LIPC: variants seen among roughly 807,000 people sequenced by gnomAD.
LIPC encodes the protein hepatic triacylglycerol lipase.
In LIPC, 44 loss-of-function variants were observed where a neutral mutation model predicts 50.7. The ratio of observed to expected loss-of-function variants is 0.87; its 90% confidence interval spans 0.68 to 1.11. The LOEUF is 1.11. Ranked by LOEUF, LIPC falls within the 50% of genes most tolerant of loss-of-function variation. The probability of loss-of-function intolerance (pLI) is 0.00; values close to 1 mark genes in which losing one functional copy is unlikely to be tolerated. For synonymous variants in LIPC, 271 were observed against 256.4 expected (o/e 1.06, Z -0.54); for missense variants, 697 against 648.2 (o/e 1.08, Z -0.82).
chr15:58,446,932 G>A (rs1215389184), intron 1 of LIPC, among the ~76,000 whole-genome samples: 1 of 152,002 alleles, frequency 6.6e-6, no homozygotes, highest in Non-Finnish European at 1.5e-5. Context: ...CAGATCACTT[G>A]AGGTTAGGAG....
rs748608339 is a variant in LIPC, at chr15:58,563,554, G to A, written c.1219G>A (p.Asp407Asn). Residue 407 changes from aspartate to asparagine, a missense_variant, in exon 8 of 9, where the codon GAT becomes AAT. By Grantham distance (23) the Asp-to-Asn change is conservative. Coordinates refer to ENST00000299022, the MANE Select transcript of LIPC (RefSeq NM_000236.3). ...NKTYSFLITLDVDIGELIMIK... is the reference protein window; with the variant it reads ...NKTYSFLITLNVDIGELIMIK... ...AACGTATTCCTTTCTTATCACGCTG[G>A]ATGTGGATATCGGCGAGCTGATCAT... The A allele has an allele frequency of 2.1e-5, 34 of 1,614,102 alleles. No individual in the cohort carries two copies. Among genetic ancestry groups the A allele is most frequent in the Non-Finnish European group, 2.9e-5 (34 of 1,180,054 alleles).
At chr15:58,538,033 C>T (rs1409622903) in intron 1 of LIPC, among the ~76,000 whole-genome samples, 1 of 152,172 alleles carries the variant, frequency 6.6e-6, no homozygotes, top group Non-Finnish European at 1.5e-5. Context: ...ACCGAGCCTC[C>T]AAAACTGCCT....
intron 1 of LIPC, among the ~76,000 whole-genome samples, chr15:58,468,866 G>A (rs904790192): frequency 6.6e-6 from 1 of 152,118 alleles, no homozygotes; most frequent in Admixed American, 6.5e-5. Context: ...CAGTAAATTG[G>A]CTCCTTTCCT....
At chr15:58,545,016 C>A (rs1007558058) in intron 4 of LIPC, among the ~76,000 whole-genome samples, 5 of 152,130 alleles carry the variant, frequency 3.3e-5, no homozygotes, top group Non-Finnish European at 7.3e-5. Flanking sequence ...CTGTTCTGGA[C>A]GTTCTAATGA....
intron 1 of LIPC, among the ~76,000 whole-genome samples, chr15:58,535,984 C>T (rs771862158): frequency 1.1e-4 from 16 of 152,198 alleles, no homozygotes; most frequent in Non-Finnish European, 5.9e-5. Context: ...TCACCGCTCA[C>T]TAACATTTAT....
chr15:58,500,618 C>T (rs935698116), intron 1 of LIPC, among the ~76,000 whole-genome samples: 1 of 152,144 alleles, frequency 6.6e-6, no homozygotes, highest in Non-Finnish European at 1.5e-5. Flanking sequence ...TGACTGTTTT[C>T]ATATGTGCTG....
At chr15:58,551,735 C>T (rs1340663006) in intron 6 of LIPC, among the ~76,000 whole-genome samples, 1 of 152,200 alleles carries the variant, frequency 6.6e-6, no homozygotes, top group Non-Finnish European at 1.5e-5. Context: ...TACAGAGAAA[C>T]CACAATCCCC....
chr15:58,449,352 T>C (rs1457672315), intron 1 of LIPC, among the ~76,000 whole-genome samples: 1 of 152,188 alleles, frequency 6.6e-6, no homozygotes. Context: ...CTCCTTCTCA[T>C]TTGATGGCTT....
At chr15:58,526,714 T>TCTCA (rs1322521678) in intron 1 of LIPC, among the ~76,000 whole-genome samples, 3 of 152,128 alleles carry the variant, frequency 2.0e-5, no homozygotes, top group African/African-American at 7.2e-5. Context: ...CTATGTTGGG[T>TCTCA]TGAGACATGA....
intron 1 of LIPC, among the ~76,000 whole-genome samples, chr15:58,493,731 ATT>A (rs1439747254): frequency 6.7e-6 from 1 of 148,540 alleles, no homozygotes. Flanking sequence ...TATGTGAAAT[ATT>A]TTTTAAATGT....
chr15:58,451,888 C>T (rs936248114), intron 1 of LIPC, among the ~76,000 whole-genome samples: 14 of 152,174 alleles, frequency 9.2e-5, no homozygotes, highest in African/African-American at 3.4e-4. Context: ...GCTACCTGGG[C>T]AGAGCAGACC....
intron 1 of LIPC, among the ~76,000 whole-genome samples, chr15:58,450,503 G>A (rs766331743): frequency 3.3e-5 from 5 of 152,196 alleles, no homozygotes; most frequent in African/African-American, 4.8e-5. Flanking sequence ...GAACAGCACC[G>A]TCTAAAGGAG....
At chr15:58,500,527 C>T (rs1004173043) in intron 1 of LIPC, among the ~76,000 whole-genome samples, 6 of 152,170 alleles carry the variant, frequency 3.9e-5, no homozygotes, top group South Asian at 2.1e-4. Flanking sequence ...CTTCAGACAG[C>T]GCAGTCTACA....
chr15:58,501,369 C>T (rs1466110509), intron 1 of LIPC, among the ~76,000 whole-genome samples: 5 of 128,340 alleles, frequency 3.9e-5, no homozygotes, highest in African/African-American at 1.4e-4. Context: ...TTTTTTAATG[C>T]CTGAAGTTTT....
intron 2 of LIPC, among the ~76,000 whole-genome samples, chr15:58,538,883 T>G (rs1183507121): frequency 6.6e-6 from 1 of 152,228 alleles, no homozygotes; most frequent in Non-Finnish European, 1.5e-5. Context: ...GGACTCCCAA[T>G]GAAATGTTGT....
At chr15:58,492,543 T>G (rs192996776) in intron 1 of LIPC, among the ~76,000 whole-genome samples, 1 of 152,262 alleles carries the variant, frequency 6.6e-6, no homozygotes, top group Admixed American at 6.5e-5. Context: ...AGAGGCCAAG[T>G]TACCTGCCCA....
intron 6 of LIPC, among the ~76,000 whole-genome samples, chr15:58,558,949 A>G (rs1242839803): frequency 6.6e-6 from 1 of 152,220 alleles, no homozygotes; most frequent in Non-Finnish European, 1.5e-5. Flanking sequence ...CACTCACATG[A>G]GCAAATTATA....
At chr15:58,464,170 TG>T (rs1207202312) in intron 1 of LIPC, among the ~76,000 whole-genome samples, 2 of 152,212 alleles carry the variant, frequency 1.3e-5, no homozygotes, top group Admixed American at 6.5e-5. Context: ...CCTCTATACT[TG>T]CCCCTTTCTA....
chr15:58,525,847 T>A (rs751819922), intron 1 of LIPC, among the ~76,000 whole-genome samples: 4 of 152,228 alleles, frequency 2.6e-5, no homozygotes, highest in Non-Finnish European at 2.9e-5. Flanking sequence ...AGGAGGAAGA[T>A]GTTACAATAG....
Sources: gnomAD v4.1 joint callset for allele counts (sites outside exome capture counted in the v4.1 genomes callset) on GRCh38, gnomAD v4.1.1 for gene constraint, MANE v1.5 for transcripts, NCBI Gene and HGNC (gene_info 2026-07-23, HGNC 2026-07-21) for gene names.